TNS1: variants seen among roughly 807,000 people sequenced by gnomAD.
TNS1 encodes the protein tensin-1.
TNS1 carries 62 observed loss-of-function variants against 168.6 expected under a neutral mutation model. The observed-to-expected ratio is 0.37, with a 90% CI of 0.30 to 0.45. The LOEUF is 0.45. Ranked by LOEUF, TNS1 falls within the 20% of genes least tolerant of loss-of-function variation. The pLI is 1.00. For missense variants in TNS1, 2,240 were observed against 2,339.4 expected (o/e 0.96, Z 0.88); for synonymous variants, 934 against 933.2 (o/e 1.00, Z -0.02).
chr2:217,825,691 A>C (rs1376730848), intron 22 of TNS1, among the ~76,000 whole-genome samples: 1 of 152,164 alleles, frequency 6.6e-6, no homozygotes, highest in Middle Eastern at 3.2e-3. Context: ...CTTACTTGCC[A>C]TTAGGCAAGG....
intron 1 of TNS1, among the ~76,000 whole-genome samples, chr2:218,001,004 T>A (rs2105977463): frequency 6.6e-6 from 1 of 152,114 alleles, no homozygotes; most frequent in South Asian, 2.1e-4. Context: ...ATATAAAAAA[T>A]TAGCTGGACA....
At chr2:217,896,949 T>C (rs943717357) in intron 8 of TNS1, among the ~76,000 whole-genome samples, 1 of 152,212 alleles carries the variant, frequency 6.6e-6, no homozygotes, top group East Asian at 1.9e-4. Flanking sequence ...TTTTTTATTG[T>C]TATTTACTGT....
intron 3 of TNS1, among the ~76,000 whole-genome samples, chr2:217,927,548 C>G (rs1028473229): frequency 3.9e-5 from 6 of 152,006 alleles, no homozygotes; most frequent in Admixed American, 3.9e-4. Context: ...AAGTTTAAGG[C>G]AAGCAAGGAT....
At chr2:217,964,506 C>T (rs990731766) in intron 3 of TNS1, among the ~76,000 whole-genome samples, 5 of 152,192 alleles carry the variant, frequency 3.3e-5, no homozygotes, top group African/African-American at 7.2e-5. Flanking sequence ...TCATCTGAGG[C>T]GTTTCCTCCT....
chr2:217,945,149 G>C (rs1957071237), intron 3 of TNS1, among the ~76,000 whole-genome samples: 1 of 152,224 alleles, frequency 6.6e-6, no homozygotes, highest in Non-Finnish European at 1.5e-5. Context: ...CAGACATCCA[G>C]AGGTTGAAAG....
At chr2:218,021,011 T>C (rs777788917) in intron 1 of TNS1, among the ~76,000 whole-genome samples, 1 of 149,730 alleles carries the variant, frequency 6.7e-6, no homozygotes, top group Non-Finnish European at 1.5e-5. Context: ...GGCTATTAGA[T>C]AGAAAGAACA....
chr2:217,947,539 C>T (rs1262247861), intron 3 of TNS1, among the ~76,000 whole-genome samples: 2 of 151,928 alleles, frequency 1.3e-5, no homozygotes, highest in African/African-American at 2.4e-5. Flanking sequence ...CTGGGGGTGG[C>T]GGGACAGAGC....
At chr2:217,807,175 T>C (rs1939298798) in intron 32 of TNS1, among the ~76,000 whole-genome samples, 1 of 152,236 alleles carries the variant, frequency 6.6e-6, no homozygotes. Context: ...TTTACAGCTA[T>C]AAACAGCAAT....
At chr2:217,903,712 T>A in intron 6 of TNS1, 1 of 1,007,630 alleles carries the variant, frequency 9.9e-7, no homozygotes, top group Non-Finnish European at 1.5e-6. Context: ...CCTCCTGGTA[T>A]CTAACCCTCA....
intron 12 of TNS1, among the ~76,000 whole-genome samples, chr2:217,887,912 A>G (rs1951366004): frequency 6.6e-6 from 1 of 152,192 alleles, no homozygotes; most frequent in Non-Finnish European, 1.5e-5. Flanking sequence ...AGTCAGCTAG[A>G]CCAATCAGAA....
chr2:217,837,895 C>A (rs1945385425), intron 19 of TNS1, among the ~76,000 whole-genome samples: 1 of 152,258 alleles, frequency 6.6e-6, no homozygotes, highest in African/African-American at 2.4e-5. Flanking sequence ...TGCAACCCTG[C>A]AGCAACCCCA....
At chr2:217,935,604 A>C (rs954660177) in intron 3 of TNS1, among the ~76,000 whole-genome samples, 2 of 152,142 alleles carry the variant, frequency 1.3e-5, no homozygotes, top group Non-Finnish European at 2.9e-5. Flanking sequence ...AATTCCTTCT[A>C]AGCCTCCAGA....
intron 12 of TNS1, among the ~76,000 whole-genome samples, chr2:217,889,526 C>G (rs1294315547): frequency 3.3e-5 from 5 of 152,212 alleles, no homozygotes; most frequent in African/African-American, 7.2e-5. Flanking sequence ...ATCCTTTATC[C>G]CGTGCGTTCA....
chr2:217,987,193 C>T (rs1958217615), intron 2 of TNS1: 1 of 152,268 alleles, frequency 6.6e-6, no homozygotes, highest in Admixed American at 6.5e-5. Flanking sequence ...TCATCTGTCT[C>T]TGCATCTTTC....
intron 17 of TNS1, 80 bp downstream of exon 17, chr2:217,882,266 G>C: frequency 1.0e-6 from 1 of 1,002,840 alleles, no homozygotes; most frequent in South Asian, 1.4e-5. Context: ...CTGTGGAACA[G>C]ACCAGGGGTG....
intron 28 of TNS1, among the ~76,000 whole-genome samples, chr2:217,811,604 G>A (rs555315205): frequency 2.3e-4 from 35 of 152,174 alleles, no homozygotes; most frequent in Middle Eastern, 3.2e-3. Flanking sequence ...AGACCGTTCC[G>A]AGACCTTGCA....
chr2:217,987,596 C>T (rs1365546602), intron 2 of TNS1, among the ~76,000 whole-genome samples: 1 of 152,212 alleles, frequency 6.6e-6, no homozygotes, highest in Non-Finnish European at 1.5e-5. Flanking sequence ...AAAAGAGCTT[C>T]CTCACTGCCC....
At chr2:218,022,893 C>A (rs1283365358) in intron 1 of TNS1, among the ~76,000 whole-genome samples, 3 of 152,112 alleles carry the variant, frequency 2.0e-5, no homozygotes, top group Non-Finnish European at 2.9e-5. Flanking sequence ...GAAGAGCCAA[C>A]CTGAAGGATG....
intron 3 of TNS1, among the ~76,000 whole-genome samples, chr2:217,949,219 T>C (rs2125971841): frequency 6.6e-6 from 1 of 152,232 alleles, no homozygotes. Flanking sequence ...GGCCTTAAGG[T>C]CTCTTGGAGA....
Sources: allele counts gnomAD v4.1 joint callset (sites outside exome capture counted in the v4.1 genomes callset), GRCh38; gene constraint gnomAD v4.1.1; transcripts MANE v1.5; gene names NCBI Gene and HGNC (gene_info 2026-07-23, HGNC 2026-07-21).